The following PRMT8 variants were observed in gnomAD, a reference collection of about 807,000 sequenced individuals.
PRMT8 encodes the protein protein arginine N-methyltransferase 8.
In PRMT8, 7 loss-of-function variants were observed where a neutral mutation model predicts 47.1. That is an observed-to-expected ratio of 0.15 (90% CI 0.08 to 0.28). The LOEUF (loss-of-function observed/expected upper bound fraction) is 0.28. Among genes scored for constraint, PRMT8 ranks in the 10% least tolerant of loss-of-function variants. The pLI, the probability that PRMT8 is intolerant of heterozygous loss-of-function variation, is 1.00. For synonymous variants in PRMT8, 188 were observed against 186.5 expected (o/e 1.01, Z -0.07); for missense variants, 237 against 505.4 (o/e 0.47, Z 5.09).
chr12:3,496,342 G>A (rs1865511148), intron 1 of PRMT8, among the ~76,000 whole-genome samples: 1 of 148,014 alleles, frequency 6.8e-6, no homozygotes, highest in African/African-American at 2.5e-5. Flanking sequence ...TGAGTTATGG[G>A]GATAACTGAG....
At position 3,540,632 on chromosome 12, in the gene PRMT8, C is replaced by T. The variant is rs148005955; in HGVS notation, c.102C>T (p.Pro34=). 327 of 1,582,552 alleles carry T rather than the reference C, an allele frequency of 2.1e-4. No individual in the cohort carries two copies. The highest frequency in any genetic ancestry group is 2.6e-4 in the Non-Finnish European group (297 of 1,152,698). Residue 34 remains proline (P), a synonymous_variant, in exon 2 of 10, where the codon CCC becomes CCT. Transcript: ENST00000382622. ...TEVNSPPSQP[P]QPVVPAKPVQ... ...TGAACAGCCCCCCCTCCCAGCCCCC[C>T]CAGCCCGTCGTCCCTGCTAAGCCCG...
intron 1 of PRMT8, among the ~76,000 whole-genome samples, chr12:3,510,274 C>T (rs1229241920): frequency 6.6e-6 from 1 of 152,104 alleles, no homozygotes; most frequent in East Asian, 1.9e-4. Flanking sequence ...TCCCTTTACT[C>T]ATGTGTGCTG....
At chr12:3,496,368 G>A (rs1865511515) in intron 1 of PRMT8, among the ~76,000 whole-genome samples, 1 of 151,232 alleles carries the variant, frequency 6.6e-6, no homozygotes, top group Admixed American at 6.6e-5. Context: ...TTCTTGCATG[G>A]TGTATCTTGG....
rs369672493 is a variant in PRMT8, at chr12:3,567,929, C to T, written c.482-777C>T. Reference sequence around the variant, plus strand: ...TCTCTACTAAAAATACAAAATTAGCCGGGCGTGGTGGCACATGCCTGTAAT... The same window carrying T: ...TCTCTACTAAAAATACAAAATTAGCTGGGCGTGGTGGCACATGCCTGTAAT... On this transcript the variant is annotated intron_variant, in intron 4 of 9. Coordinates refer to ENST00000382622, the MANE Select transcript of PRMT8 (RefSeq NM_019854.5). 1.2e-3 allele frequency among the ~76,000 whole-genome samples: 179 copies of T among 152,050 alleles called. 4 individuals are homozygous for T. Among genetic ancestry groups the T allele is most frequent in the East Asian group, 1.5e-3 (8 of 5,180 alleles).
chr12:3,526,768 C>T (rs973317509), intron 1 of PRMT8, among the ~76,000 whole-genome samples: 58 of 152,080 alleles, frequency 3.8e-4, no homozygotes, highest in African/African-American at 1.4e-3. Flanking sequence ...AGTATTTGTT[C>T]TGAAATATAC....
chr12:3,530,879 C>T (rs1866019877), intron 1 of PRMT8, among the ~76,000 whole-genome samples: 1 of 152,208 alleles, frequency 6.6e-6, no homozygotes, highest in Non-Finnish European at 1.5e-5. Context: ...CAGTCATCAC[C>T]ATAGCCCCAC....
chr12:3,511,337 G>A (rs773884224), intron 1 of PRMT8, among the ~76,000 whole-genome samples: 1 of 152,214 alleles, frequency 6.6e-6, no homozygotes, highest in Non-Finnish European at 1.5e-5. Context: ...GAAGGTGGAG[G>A]TTTGGGGAGC....
At chr12:3,392,376 A>C (rs1591536481) in intron 1 of PRMT8, among the ~76,000 whole-genome samples, 2 of 94,590 alleles carry the variant, frequency 2.1e-5, no homozygotes, top group Non-Finnish European at 1.9e-5. Context: ...CCCACCCCAC[A>C]ACAGTCCCCA....
intron 1 of PRMT8, among the ~76,000 whole-genome samples, chr12:3,495,359 C>T (rs1865489399): frequency 6.6e-6 from 1 of 152,196 alleles, no homozygotes; most frequent in African/African-American, 2.4e-5. Flanking sequence ...CCATCAATAC[C>T]TGCATCATGC....
intron 2 of PRMT8, among the ~76,000 whole-genome samples, chr12:3,543,331 C>G (rs1866266791): frequency 6.6e-6 from 1 of 152,156 alleles, no homozygotes; most frequent in South Asian, 2.1e-4. Context: ...CTTTTAACAC[C>G]ATTCTTCGCA....
chr12:3,519,122 G>T (rs540715224), intron 1 of PRMT8, among the ~76,000 whole-genome samples: 1 of 152,086 alleles, frequency 6.6e-6, no homozygotes, highest in Admixed American at 6.5e-5. Context: ...AGAACTGTCC[G>T]TCTTTGCAGA....
chr12:3,419,318 A>G (rs1303048495), intron 1 of PRMT8, among the ~76,000 whole-genome samples: 2 of 152,220 alleles, frequency 1.3e-5, no homozygotes, highest in African/African-American at 4.8e-5. Context: ...CAGACTGGCT[A>G]CAGCCTTCAG....
intron 1 of PRMT8, among the ~76,000 whole-genome samples, chr12:3,448,476 G>T (rs1864881196): frequency 1.3e-5 from 2 of 152,128 alleles, no homozygotes. Context: ...TTAGTGAGAA[G>T]AATGGCATTA....
rs943025968 is a variant in PRMT8 at position 3,508,037 on chromosome 12, A to C, written c.75+16337A>C. ...TGGATCTCACTTTCATCCCTGTGGGATTATAAATCCCATTTTATAGGCTGG... is the reference window on the plus strand; with the variant it reads ...TGGATCTCACTTTCATCCCTGTGGGCTTATAAATCCCATTTTATAGGCTGG... On this transcript the variant is annotated intron_variant, in intron 1 of 9. Coordinates refer to ENST00000382622, the MANE Select transcript of PRMT8 (RefSeq NM_019854.5). This position sits in a 1 kb window ranked among gnomAD's most constrained non-coding sequence, Gnocchi z 4.9. Among the ~76,000 whole-genome samples, 4 of 152,142 alleles carry C rather than the reference A, an allele frequency of 2.6e-5. No individual in the cohort carries two copies. The highest frequency in any genetic ancestry group is 5.9e-5 in the Non-Finnish European group (4 of 68,014).
intron 5 of PRMT8, 73 bp downstream of exon 5, chr12:3,568,921 A>C: frequency 3.1e-6 from 5 of 1,587,670 alleles, no homozygotes; most frequent in Non-Finnish European, 4.3e-6. Flanking sequence ...CCTGCAGCCT[A>C]GGAGGCATAC....
chr12:3,423,516 G>C (rs1054886926), intron 1 of PRMT8, among the ~76,000 whole-genome samples: 35 of 152,136 alleles, frequency 2.3e-4, no homozygotes, highest in Admixed American at 1.9e-3. Flanking sequence ...CTATAGCTGT[G>C]CTTTTCTTTC....
At chr12:3,444,944 C>G (rs943919114) in intron 1 of PRMT8, among the ~76,000 whole-genome samples, 1 of 152,244 alleles carries the variant, frequency 6.6e-6, no homozygotes, top group Non-Finnish European at 1.5e-5. Flanking sequence ...GGAGCTCGAC[C>G]ACCTGTGATC....
At chr12:3,394,261 G>A (rs537041315) in intron 1 of PRMT8, among the ~76,000 whole-genome samples, 3 of 152,288 alleles carry the variant, frequency 2.0e-5, no homozygotes, top group African/African-American at 7.2e-5. Context: ...AATAGGAGTG[G>A]TGAGAGAGGG....
chr12:3,436,875 C>G lies in PRMT8; in HGVS notation c.48+55433C>G, dbSNP rs1306818153. The stretch of plus-strand genomic sequence containing the variant: ...CAGGGCAAGCACAGGCTCTGCATTC[C>G]TGCTTCTGGGCAGCCTGCCCAGCTG... On this transcript the variant is annotated intron_variant, in intron 1 of 9. Coordinates refer to the PRMT8 transcript ENST00000452611. This position sits in a 1 kb window ranked among gnomAD's most constrained non-coding sequence, Gnocchi z 4.2. Among the ~76,000 whole-genome samples, 1 of 152,226 alleles carries G rather than the reference C, an allele frequency of 6.6e-6. No homozygotes were observed. Among genetic ancestry groups the G allele is most frequent in the Non-Finnish European group, 1.5e-5 (1 of 68,038 alleles).
Sources: allele counts gnomAD v4.1 joint callset (sites outside exome capture counted in the v4.1 genomes callset), GRCh38; gene constraint gnomAD v4.1.1; non-coding constraint Gnocchi (gnomAD v3.1); transcripts MANE v1.5; gene names NCBI Gene and HGNC (gene_info 2026-07-23, HGNC 2026-07-21).